NECAB1: variants seen among roughly 807,000 people sequenced by gnomAD.
The protein encoded by NECAB1 is N-terminal EF-hand calcium-binding protein 1.
In NECAB1, 29 loss-of-function variants were observed where a neutral mutation model predicts 57.5. The observed-to-expected ratio is 0.50, with a 90% CI of 0.38 to 0.69. The LOEUF is 0.69. NECAB1 is among the 30% of genes least tolerant of loss of function. The probability of loss-of-function intolerance (pLI) is 0.00; values close to 1 mark genes in which losing one functional copy is unlikely to be tolerated. For synonymous variants in NECAB1, 142 were observed against 147.7 expected, an observed-to-expected ratio of 0.96 and a Z score of 0.28; for missense variants, 372 against 413.8, an observed-to-expected ratio of 0.90 and a Z score of 0.88.
intron 3 of NECAB1, among the ~76,000 whole-genome samples, chr8:90,870,043 T>C (rs1414769787): frequency 6.6e-6 from 1 of 152,156 alleles, no homozygotes; most frequent in African/African-American, 2.4e-5. Flanking sequence ...ATCTGGTTCT[T>C]TGAAAGTGTG....
At chr8:90,832,390 T>G (rs1812310253) in intron 3 of NECAB1, among the ~76,000 whole-genome samples, 2 of 152,064 alleles carry the variant, frequency 1.3e-5, no homozygotes, top group Non-Finnish European at 1.5e-5. Context: ...AATTAAAAGA[T>G]TAGCAAAGTT....
At chr8:90,886,412 C>T (rs533636864) in intron 5 of NECAB1, among the ~76,000 whole-genome samples, 43 of 152,118 alleles carry the variant, frequency 2.8e-4, no homozygotes, top group African/African-American at 9.4e-4. Context: ...ATTCTGTTCC[C>T]GTGGTAAACT....
chr8:90,805,386 A>G (rs1393379550), intron 2 of NECAB1, among the ~76,000 whole-genome samples: 1 of 139,668 alleles, frequency 7.2e-6, no homozygotes, highest in African/African-American at 2.6e-5. Flanking sequence ...GGACAGATTT[A>G]GCTTTTGGAA....
intron 1 of NECAB1, among the ~76,000 whole-genome samples, chr8:90,795,806 C>T (rs1811651141): frequency 6.6e-6 from 1 of 151,974 alleles, no homozygotes; most frequent in South Asian, 2.1e-4. Flanking sequence ...TGTCTACCCT[C>T]ATTGGCAAGG....
At position 90,828,254 on chromosome 8, in the gene NECAB1, A is replaced by G. The variant is rs182721717; in HGVS notation, c.233+3429A>G. 4.3e-3 allele frequency among the ~76,000 whole-genome samples: 656 copies of G among 152,042 alleles called. 9 individuals are homozygous for G. The highest frequency in any genetic ancestry group is 0.015 in the African/African-American group (605 of 41,508). On this transcript the variant is annotated intron_variant, in intron 3 of 12. Coordinates refer to ENST00000417640, the MANE Select transcript of NECAB1 (RefSeq NM_022351.5). ...AAATACATTTAACCTCAAAATAACT[A>G]TGCAAAGATTTCTGCAAAGATTTTT...
chr8:90,825,975 G>C (rs145182681), intron 3 of NECAB1, among the ~76,000 whole-genome samples: 46 of 151,924 alleles, frequency 3.0e-4, no homozygotes, highest in African/African-American at 1.1e-3. Context: ...ATTCATAAAT[G>C]CTGTAATTGA....
chr8:90,897,082 AT>A (rs1391770409), intron 5 of NECAB1, among the ~76,000 whole-genome samples: 2 of 151,960 alleles, frequency 1.3e-5, no homozygotes, highest in Non-Finnish European at 2.9e-5. Flanking sequence ...TTTAAAAAAA[AT>A]AATTAAAAAA....
At chr8:90,845,112 A>G (rs10956779) in intron 3 of NECAB1, among the ~76,000 whole-genome samples, 49,128 of 151,974 alleles carry the variant, frequency 0.32, 9,177 homozygotes, top group East Asian at 0.73. Context: ...CTGATTGGAT[A>G]AGGCTTGCCC....
At chr8:90,910,912 C>T (rs151186834) in intron 5 of NECAB1, among the ~76,000 whole-genome samples, 192 of 152,174 alleles carry the variant, frequency 1.3e-3, no homozygotes, top group Non-Finnish European at 2.2e-3. Context: ...CAACACCATG[C>T]AATGCATCTC....
At chr8:90,944,475 T>C (rs1333161596) in intron 10 of NECAB1, among the ~76,000 whole-genome samples, 1 of 152,228 alleles carries the variant, frequency 6.6e-6, no homozygotes, top group Non-Finnish European at 1.5e-5. Context: ...ATACAACACA[T>C]ACACACACTA....
At chr8:90,910,754 T>G (rs1166161357) in intron 5 of NECAB1, among the ~76,000 whole-genome samples, 1 of 152,172 alleles carries the variant, frequency 6.6e-6, no homozygotes, top group Non-Finnish European at 1.5e-5. Flanking sequence ...TCAACCACTT[T>G]TGGATAAAAT....
At chr8:90,875,844 C>CAAAAAAAAAAAAAAAAAA (rs5893141) in intron 4 of NECAB1, among the ~76,000 whole-genome samples, 42 of 88,404 alleles carry the variant, frequency 4.8e-4, no homozygotes, top group African/African-American at 1.7e-3. Flanking sequence ...ACTAAAAATA[C>CAAAAAAAAAAAAAAAAAA]AAAAAAAAAA....
In NECAB1 at chr8:90,922,486, A is replaced by ATTTTTTTTTT. The variant is rs577951495; in HGVS notation, c.495-3034_495-3025dup. Among the ~76,000 whole-genome samples, 112 of 57,510 alleles carry ATTTTTTTTTT rather than the reference A, an allele frequency of 1.9e-3. 17 individuals carry two copies. Among genetic ancestry groups the ATTTTTTTTTT allele is most frequent in the East Asian group, 8.6e-3 (9 of 1,042 alleles). The allele number at this position is 57,510 out of a possible 152,430, so 37.7% of individuals were successfully genotyped here. ...ACCACCAAAGCTGCCAAAAACTTGG[A>ATTTTTTTTTT]TTTTTTTTTTTTTTTTTTTTTTTTG... is the stretch of plus-strand genomic sequence containing the variant. On this transcript the variant is annotated intron_variant, in intron 6 of 12. Transcript: ENST00000417640.
At chr8:90,811,879 C>T (rs1811966508) in intron 2 of NECAB1, among the ~76,000 whole-genome samples, 1 of 152,222 alleles carries the variant, frequency 6.6e-6, no homozygotes, top group Non-Finnish European at 1.5e-5. Flanking sequence ...CAACTAGTCA[C>T]ATGCCCATCC....
intron 1 of NECAB1, among the ~76,000 whole-genome samples, chr8:90,801,344 AATTATAAGTAGGT>A (rs1189945631): frequency 6.6e-6 from 1 of 152,158 alleles, no homozygotes; most frequent in Non-Finnish European, 1.5e-5. Context: ...ATATAAATGG[AATTATAAGTAGGT>A]ATTATTTTGC....
chr8:90,926,725 C>T (rs1173953371), intron 7 of NECAB1, among the ~76,000 whole-genome samples: 1 of 152,172 alleles, frequency 6.6e-6, no homozygotes, highest in Admixed American at 6.5e-5. Flanking sequence ...GAAGCACATG[C>T]AGCCAGCCCA....
chr8:90,814,236 T>C (rs1812020661), intron 2 of NECAB1, among the ~76,000 whole-genome samples: 1 of 152,230 alleles, frequency 6.6e-6, no homozygotes, highest in Admixed American at 6.5e-5. Context: ...ATTATGTGTT[T>C]CGGAGAGAAA....
rs1404526153 is a variant in NECAB1, at chr8:90,906,874, CACATATATAT to C, written c.358-10616_358-10607del. ...CCACCTTTTCCTTACATATGATATA[CACATATATAT>C]ATATATATATATATATATATATATA... On this transcript the variant is annotated intron_variant, in intron 5 of 12. Transcript: ENST00000417640. Among the ~76,000 whole-genome samples the C allele has an allele frequency of 4.7e-5, 2 of 42,654 alleles. 1 individual carries two copies. The highest frequency in any genetic ancestry group is 4.3e-4 in the African/African-American group (2 of 4,704). The allele number at this position is 42,654 out of a possible 152,430, so 28.0% of individuals were successfully genotyped here. A position where few individuals can be genotyped will look rare whatever the true frequency, so the allele number is the denominator to read the frequency against.
intron 2 of NECAB1, among the ~76,000 whole-genome samples, chr8:90,819,702 G>C (rs1205194314): frequency 1.3e-5 from 2 of 151,814 alleles, no homozygotes; most frequent in South Asian, 2.1e-4. Context: ...TTGTGGGCGT[G>C]TGTGCCTGGG....
Sources: allele counts gnomAD v4.1 joint callset (sites outside exome capture counted in the v4.1 genomes callset), GRCh38; gene constraint gnomAD v4.1.1; transcripts MANE v1.5; gene names NCBI Gene and HGNC (gene_info 2026-07-23, HGNC 2026-07-21).